The following NAV2 variants were observed in gnomAD, a reference collection of about 807,000 sequenced individuals.
The protein encoded by NAV2 is helicase, APC down-regulated 1.
Under a neutral mutation model 223.2 loss-of-function variants are expected in NAV2, and 54 were observed. The ratio of observed to expected loss-of-function variants is 0.24; its 90% CI spans 0.19 to 0.30. The LOEUF (loss-of-function observed/expected upper bound fraction) is 0.30, where lower values mean the gene tolerates loss of function less well. Among genes scored for constraint, NAV2 ranks in the 10% least tolerant of loss-of-function variants. NAV2 has a pLI of 1.00. For synonymous variants in NAV2, 1,279 were observed against 1,239.3 expected, an observed-to-expected ratio of 1.03 and a Z score of -0.67; for missense variants, 2,806 against 3,147.5, an observed-to-expected ratio of 0.89 and a Z score of 2.60.
intron 1 of NAV2, among the ~76,000 whole-genome samples, chr11:19,661,808 C>T (rs937344839): frequency 6.6e-6 from 1 of 152,112 alleles, no homozygotes; most frequent in Non-Finnish European, 1.5e-5. Context: ...AAACGAGAAT[C>T]TATAGTTAGG....
intron 32 of NAV2, 40 bp downstream of exon 32, chr11:20,101,212 T>C (rs774936409): frequency 6.8e-7 from 1 of 1,471,392 alleles, no homozygotes; most frequent in Non-Finnish European, 9.5e-7. Flanking sequence ...TTTTTGGCCC[T>C]TTCAAAACTG....
At chr11:19,572,949 A>G (rs956945138) in intron 1 of NAV2, among the ~76,000 whole-genome samples, 3 of 152,198 alleles carry the variant, frequency 2.0e-5, no homozygotes, top group Non-Finnish European at 4.4e-5. Flanking sequence ...CCGCAGAACC[A>G]ACAGGGTCAA....
rs573832216 is a variant in NAV2, at chr11:19,686,167, C to G, written c.76-146317C>G. Among the ~76,000 whole-genome samples the G allele has an allele frequency of 2.6e-5, 4 of 152,278 alleles. No individual in the cohort carries two copies. The South Asian group carries it at 6.2e-4, about 24-fold the overall frequency. On this transcript the variant is annotated intron_variant, in intron 1 of 37. Coordinates refer to the NAV2 transcript ENST00000360655. ...CTTCATTTAGGTGGCTCCTACTCAGCCTTCTAGTCCCTATGGTGACATCGC... is the reference window on the plus strand; with the variant it reads ...CTTCATTTAGGTGGCTCCTACTCAGGCTTCTAGTCCCTATGGTGACATCGC...
intron 10 of NAV2, among the ~76,000 whole-genome samples, chr11:19,953,191 T>C (rs1266842999): frequency 1.3e-5 from 2 of 152,120 alleles, no homozygotes; most frequent in African/African-American, 4.8e-5. Context: ...AAAGTATAAG[T>C]AGATATCCCT....
At chr11:19,498,079 A>G (rs562900241) in intron 1 of NAV2, among the ~76,000 whole-genome samples, 9 of 152,254 alleles carry the variant, frequency 5.9e-5, no homozygotes, top group Non-Finnish European at 7.3e-5. Flanking sequence ...TGATAGAGTC[A>G]GGATTCAGAC....
chr11:19,441,448 G>GCACACACACGCACA (rs1554933584), intron 1 of NAV2, among the ~76,000 whole-genome samples: 1 of 145,852 alleles, frequency 6.9e-6, no homozygotes, highest in African/African-American at 2.5e-5. Flanking sequence ...ACACACACAC[G>GCACACACACGCACA]CACACACACA....
intron 3 of NAV2, among the ~76,000 whole-genome samples, chr11:19,849,653 G>T (rs1266231876): frequency 6.6e-6 from 1 of 152,212 alleles, no homozygotes; most frequent in Non-Finnish European, 1.5e-5. Context: ...AGATCCTTGG[G>T]CAGCTGAGTT....
chr11:20,011,075 A>C (rs1048833215), intron 11 of NAV2, among the ~76,000 whole-genome samples: 1 of 152,190 alleles, frequency 6.6e-6, no homozygotes, highest in Non-Finnish European at 1.5e-5. Flanking sequence ...GCTGGGGTGC[A>C]AATTCTTTCT....
intron 11 of NAV2, among the ~76,000 whole-genome samples, chr11:20,016,299 G>A (rs1184859386): frequency 2.0e-5 from 3 of 152,172 alleles, no homozygotes; most frequent in African/African-American, 7.2e-5. Context: ...CACCCACATG[G>A]TCCTGTTCCT....
chr11:19,433,213 GA>G (rs1465436072), intron 1 of NAV2, among the ~76,000 whole-genome samples: 2 of 152,180 alleles, frequency 1.3e-5, no homozygotes, highest in Non-Finnish European at 2.9e-5. Flanking sequence ...ATACAGGACT[GA>G]AAAATGGAAT....
chr11:19,478,707 T>C (rs966261173), intron 1 of NAV2, among the ~76,000 whole-genome samples: 4 of 152,214 alleles, frequency 2.6e-5, no homozygotes, highest in African/African-American at 9.6e-5. Flanking sequence ...CTAACCCCTA[T>C]GCTGTGCATG....
intron 8 of NAV2, among the ~76,000 whole-genome samples, chr11:19,942,340 T>C (rs750528492): frequency 6.6e-6 from 1 of 152,208 alleles, no homozygotes; most frequent in Non-Finnish European, 1.5e-5. Context: ...AAGGCAAATA[T>C]TTCCCAGCAC....
intron 1 of NAV2, among the ~76,000 whole-genome samples, chr11:19,785,652 T>TTTTTTTTG (rs2057057098): frequency 6.6e-6 from 1 of 152,134 alleles, no homozygotes; most frequent in Non-Finnish European, 1.5e-5. Context: ...GCTGGCTTTT[T>TTTTTTTTG]TTTTTTTAAA....
chr11:19,712,381 A>T (rs1482000218), upstream of NAV2: 1 of 152,238 alleles, frequency 6.6e-6, no homozygotes, highest in African/African-American at 2.4e-5. Flanking sequence ...GCAGGCAGAG[A>T]AATGGCTGGC....
At chr11:20,117,551 C>A (rs11025394) in intron 37 of NAV2, among the ~76,000 whole-genome samples, 4 of 152,118 alleles carry the variant, frequency 2.6e-5, no homozygotes. Context: ...AACTGGTGCT[C>A]CCCCTCACCT....
At chr11:19,563,297 A>G (rs1237557320) in intron 1 of NAV2, among the ~76,000 whole-genome samples, 1 of 152,194 alleles carries the variant, frequency 6.6e-6, no homozygotes, top group Non-Finnish European at 1.5e-5. Context: ...CTCTCTTCCC[A>G]AACACAGCTC....
chr11:19,966,791 A>T (rs996058106), intron 10 of NAV2, among the ~76,000 whole-genome samples: 2 of 152,130 alleles, frequency 1.3e-5, no homozygotes, highest in Non-Finnish European at 2.9e-5. Context: ...GGCTTCTCTT[A>T]TGTTCTTTGG....
At chr11:19,964,914 G>A (rs2048643642) in intron 10 of NAV2, among the ~76,000 whole-genome samples, 1 of 138,780 alleles carries the variant, frequency 7.2e-6, no homozygotes, top group Admixed American at 8.0e-5. Context: ...CTGCCTCCCG[G>A]GTTCAAGCAA....
chr11:19,434,260 G>A (rs972253022), intron 1 of NAV2, among the ~76,000 whole-genome samples: 1 of 152,216 alleles, frequency 6.6e-6, no homozygotes, highest in Non-Finnish European at 1.5e-5. Flanking sequence ...ACACACAGTA[G>A]ATGCTCAGTG....
Sources: allele counts gnomAD v4.1 joint callset (sites outside exome capture counted in the v4.1 genomes callset), GRCh38; gene constraint gnomAD v4.1.1; transcripts MANE v1.5; gene names NCBI Gene and HGNC (gene_info 2026-07-23, HGNC 2026-07-21).